UNC5C: variants seen among roughly 807,000 people sequenced by gnomAD.
UNC5C encodes unc-5 netrin receptor C.
Under a neutral mutation model 99.8 loss-of-function variants are expected in UNC5C, and 47 were observed. The ratio of observed to expected loss-of-function variants is 0.47; its 90% CI spans 0.37 to 0.60. The LOEUF (loss-of-function observed/expected upper bound fraction) is 0.60, where lower values mean the gene tolerates loss of function less well. Ranked by LOEUF, UNC5C falls within the 20% of genes least tolerant of loss-of-function variation. UNC5C has a pLI of 0.00. For missense variants in UNC5C, 1,062 were observed against 1,165.9 expected, an observed-to-expected ratio of 0.91 and a Z score of 1.30; for synonymous variants, 487 against 452.2, an observed-to-expected ratio of 1.08 and a Z score of -0.98.
intron 1 of UNC5C, among the ~76,000 whole-genome samples, chr4:95,339,836 C>T (rs1743494628): frequency 6.6e-6 from 1 of 152,046 alleles, no homozygotes; most frequent in Non-Finnish European, 1.5e-5. Context: ...GGTAAAATTT[C>T]CAGAGTTGCT....
At chr4:95,503,686 G>A (rs1456027899) in intron 1 of UNC5C, among the ~76,000 whole-genome samples, 2 of 152,028 alleles carry the variant, frequency 1.3e-5, no homozygotes, top group African/African-American at 2.4e-5. Flanking sequence ...TAATCAACAT[G>A]CTTTATGTAC....
intron 2 of UNC5C, among the ~76,000 whole-genome samples, chr4:95,329,948 C>CAACATCTA (rs1743048379): frequency 6.6e-6 from 1 of 152,096 alleles, no homozygotes; most frequent in African/African-American, 2.4e-5. Context: ...TTTTAAGCCC[C>CAACATCTA]AACATCTAGC....
chr4:95,414,812 T>C (rs975869697), intron 1 of UNC5C, among the ~76,000 whole-genome samples: 3 of 152,212 alleles, frequency 2.0e-5, no homozygotes, highest in Non-Finnish European at 4.4e-5. Flanking sequence ...AAAATGTCTT[T>C]GAACTTAAAC....
intron 1 of UNC5C, among the ~76,000 whole-genome samples, chr4:95,391,519 G>A (rs143562938): frequency 2.0e-5 from 3 of 152,210 alleles, no homozygotes; most frequent in East Asian, 1.9e-4. Flanking sequence ...TATAAGAGAT[G>A]AGCTAGAAAA....
intron 1 of UNC5C, among the ~76,000 whole-genome samples, chr4:95,388,787 G>A (rs999472774): frequency 2.0e-5 from 3 of 152,166 alleles, no homozygotes; most frequent in African/African-American, 4.8e-5. Context: ...GAATGGTAAA[G>A]TAACTTCAGA....
intron 7 of UNC5C, among the ~76,000 whole-genome samples, chr4:95,233,780 C>T (rs754139254): frequency 6.6e-5 from 10 of 152,072 alleles, no homozygotes; most frequent in Non-Finnish European, 1.3e-4. Context: ...ATTAAAAATA[C>T]AAAAATTAGG....
At chr4:95,407,795 G>T (rs888883407) in intron 1 of UNC5C, among the ~76,000 whole-genome samples, 2 of 152,172 alleles carry the variant, frequency 1.3e-5, no homozygotes, top group South Asian at 2.1e-4. Context: ...TTATATTACT[G>T]TATTGGGCAG....
intron 12 of UNC5C, among the ~76,000 whole-genome samples, chr4:95,199,460 T>C (rs903623803): frequency 6.6e-6 from 1 of 152,176 alleles, no homozygotes; most frequent in Non-Finnish European, 1.5e-5. Flanking sequence ...GGCTAAGTGC[T>C]AGATCCCCAG....
intron 3 of UNC5C, among the ~76,000 whole-genome samples, chr4:95,285,748 C>T (rs1442494211): frequency 6.6e-6 from 1 of 152,128 alleles, no homozygotes; most frequent in East Asian, 1.9e-4. Context: ...CAGAAGTTAT[C>T]AAGATATACA....
rs182658600 is a variant in UNC5C at position 95,204,633 on chromosome 4, G to A, written c.1903-1669C>T. ...AATCTCAGGCAGGAGAAATCCACGCGTGAGCATGAGTCAGTCTCTGCACTG... is the reference window on the plus strand; with the variant it reads ...AATCTCAGGCAGGAGAAATCCACGCATGAGCATGAGTCAGTCTCTGCACTG... On this transcript the variant is annotated intron_variant, in intron 11 of 15. Transcript: ENST00000453304. Among the ~76,000 whole-genome samples the A allele has an allele frequency of 3.9e-5, 6 of 152,346 alleles. No homozygotes were observed. The East Asian group carries it at 5.8e-4, about 15-fold the overall frequency.
intron 7 of UNC5C, chr4:95,222,099 G>T: frequency 1.5e-6 from 1 of 650,950 alleles, no homozygotes; most frequent in South Asian, 3.5e-5. Flanking sequence ...GAATATATTA[G>T]GCTCCTATTT....
chr4:95,292,266 T>TATATATATAA (rs1361082093), intron 3 of UNC5C, among the ~76,000 whole-genome samples: 1 of 58,106 alleles, frequency 1.7e-5, no homozygotes, highest in Admixed American at 1.6e-4. Context: ...TATATATATA[T>TATATATATAA]AAATTTTTTT....
rs529808046 is a variant in UNC5C, at chr4:95,548,815, C to T, written c.43G>A (p.Gly15Arg). ...LRATAARCGLGLGYLLQMLVL... is the reference protein window; with the variant it reads ...LRATAARCGLRLGYLLQMLVL... ...AGCATTTGCAGCAAGTATCCCAGTC[C>T]CAGTCCGCAGCGGGCCGCTGTCGCC... Residue 15 changes from glycine to arginine, a missense_variant, in exon 1 of 16, where the codon GGA becomes AGA. Physicochemically the swap from Gly to Arg is moderately radical, Grantham distance 125. Around this residue, in one of 3 missense-constraint regions of UNC5C, gnomAD observed 249 missense variants for 295.1 expected, o/e 0.84. Coordinates refer to ENST00000453304, the MANE Select transcript of UNC5C (RefSeq NM_003728.4). The T allele has an allele frequency of 2.5e-6, 4 of 1,613,472 alleles. No homozygotes were observed. The South Asian group carries it at 3.3e-5, about 13-fold the overall frequency.
At chr4:95,213,404 G>T (rs1466636217) in intron 10 of UNC5C, among the ~76,000 whole-genome samples, 1 of 152,216 alleles carries the variant, frequency 6.6e-6, no homozygotes, top group Non-Finnish European at 1.5e-5. Flanking sequence ...CCTTTCCAGA[G>T]ATCTGTAAAG....
chr4:95,545,106 C>T (rs1723023780), intron 1 of UNC5C, among the ~76,000 whole-genome samples: 1 of 152,124 alleles, frequency 6.6e-6, no homozygotes, highest in African/African-American at 2.4e-5. Flanking sequence ...GGGGGGGTTG[C>T]TTAAAATAGA....
At chr4:95,354,359 C>T (rs1744094745) in intron 1 of UNC5C, among the ~76,000 whole-genome samples, 1 of 151,486 alleles carries the variant, frequency 6.6e-6, no homozygotes, top group African/African-American at 2.4e-5. Flanking sequence ...CCCTGCCTTG[C>T]CCTCCACATT....
At chr4:95,478,072 T>A (rs1457292645) in intron 1 of UNC5C, among the ~76,000 whole-genome samples, 1 of 152,042 alleles carries the variant, frequency 6.6e-6, no homozygotes, top group African/African-American at 2.4e-5. Flanking sequence ...CTAGGTTTTT[T>A]AGCTCACTCC....
intron 2 of UNC5C, among the ~76,000 whole-genome samples, chr4:95,309,414 A>G (rs939793624): frequency 6.6e-6 from 1 of 152,184 alleles, no homozygotes. Context: ...CAGGCAGCAA[A>G]AGCAAAAATA....
At chr4:95,364,004 C>G (rs1177109709) in intron 1 of UNC5C, among the ~76,000 whole-genome samples, 1 of 152,188 alleles carries the variant, frequency 6.6e-6, no homozygotes. Flanking sequence ...ACTTTTACAT[C>G]TGTGTTTACC....
Sources: allele counts gnomAD v4.1 joint callset (sites outside exome capture counted in the v4.1 genomes callset), GRCh38; gene constraint gnomAD v4.1.1; regional missense constraint gnomAD v4.1.1; transcripts MANE v1.5; gene names NCBI Gene and HGNC (gene_info 2026-07-23, HGNC 2026-07-21).